EGFL6: variants seen among roughly 807,000 people sequenced by gnomAD.
The protein encoded by EGFL6 is epidermal growth factor-like protein 6.
EGFL6 carries 42 observed loss-of-function variants against 43.1 expected under a neutral mutation model. The observed-to-expected ratio is 0.98, with a 90% CI of 0.76 to 1.26. The LOEUF is 1.26. Ranked by LOEUF, EGFL6 falls within the 50% of genes most tolerant of loss-of-function variation. The probability of loss-of-function intolerance (pLI) is 0.00; values close to 1 mark genes in which losing one functional copy is unlikely to be tolerated. For synonymous variants in EGFL6, 164 were observed against 163.2 expected (o/e 1.01, Z -0.04); for missense variants, 429 against 427.8 (o/e 1.00, Z -0.02).
At chrX:13,607,211 C>A (rs2045665203) in intron 6 of EGFL6, among the ~76,000 whole-genome samples, 1 of 111,019 alleles carries the variant, frequency 9.0e-6, no homozygotes, top group Admixed American at 9.6e-5. Flanking sequence ...TTCCCATTGC[C>A]CTTTATATAA....
At chrX:13,618,466 C>T (rs1249177775) in intron 8 of EGFL6, among the ~76,000 whole-genome samples, 1 of 112,606 alleles carries the variant, frequency 8.9e-6, no homozygotes, top group Non-Finnish European at 1.9e-5. Flanking sequence ...TTTTACAGGC[C>T]TAGTCTATGA....
chrX:13,593,732 G>C (rs1037073323), intron 2 of EGFL6, among the ~76,000 whole-genome samples: 4 of 112,019 alleles, frequency 3.6e-5, no homozygotes, highest in African/African-American at 1.3e-4. Flanking sequence ...AACAGGGATA[G>C]GATGTTGCAA....
chrX:13,588,408 A>G (rs2045544726), intron 1 of EGFL6, among the ~76,000 whole-genome samples: 1 of 112,545 alleles, frequency 8.9e-6, no homozygotes, highest in South Asian at 3.6e-4. Context: ...TAAAGAGCCC[A>G]GGAAACATTT....
intron 2 of EGFL6, among the ~76,000 whole-genome samples, chrX:13,590,728 A>T (rs1019339298): frequency 8.9e-6 from 1 of 112,275 alleles, no homozygotes; most frequent in Non-Finnish European, 1.9e-5. Context: ...TCGTTCCCAC[A>T]TGTTCCATAT....
chrX:13,593,350 G>C (rs1475762046), intron 2 of EGFL6, among the ~76,000 whole-genome samples: 3 of 111,991 alleles, frequency 2.7e-5, no homozygotes, highest in Non-Finnish European at 5.6e-5. Context: ...TGTCGTGTCT[G>C]ACATAAAGTT....
intron 1 of EGFL6, among the ~76,000 whole-genome samples, chrX:13,572,588 T>C (rs1026695178): frequency 8.9e-6 from 1 of 112,122 alleles, no homozygotes; most frequent in Non-Finnish European, 1.9e-5. Context: ...GATAAATATA[T>C]TATTAACTTT....
intron 2 of EGFL6, among the ~76,000 whole-genome samples, chrX:13,591,323 C>G (rs927267647): frequency 9.0e-6 from 1 of 111,626 alleles, no homozygotes; most frequent in South Asian, 3.8e-4. Flanking sequence ...TGCCATAAAA[C>G]TTGTGAGACC....
intron 1 of EGFL6, among the ~76,000 whole-genome samples, chrX:13,579,746 G>C (rs1385771540): frequency 4.5e-5 from 5 of 110,891 alleles, no homozygotes. Context: ...TTTTCACAAG[G>C]TTACAATCAA....
At position 13,627,274 on chromosome X, in the gene EGFL6, A is replaced by G. The variant is rs2045786641; in HGVS notation, c.1549A>G (p.Ser517Gly). 3 of 1,199,571 alleles carry G rather than the reference A, an allele frequency of 2.5e-6. No homozygotes were observed. The East Asian group carries it at 8.9e-5, about 36-fold the overall frequency. ...GTATCAAGGAACTGATGCTACCAAA[A>G]GCGTAAGTGGGAAAAAAATGATTAA... Reference protein sequence around the residue: ...QLYQGTDATKSIIFEAERGKG... With the variant: ...QLYQGTDATKGIIFEAERGKG... The change falls in exon 11 of 12, where the codon AGC becomes GGC. Residue 517 changes from serine (S) to glycine (G), a missense_variant and splice_region_variant. By Grantham distance (56) the Ser-to-Gly change is moderately conservative. Coordinates refer to ENST00000361306, the MANE Select transcript of EGFL6 (RefSeq NM_015507.4).
At position 13,618,524 on chromosome X, in the gene EGFL6, G is replaced by A. The variant is rs371593451; in HGVS notation, c.1102+471G>A. On this transcript the variant is annotated intron_variant, in intron 8 of 11. Transcript: ENST00000361306. ...GGTTGTGATTTTAAAAGCCAAAATC[G>A]ACAAATGTAGGAGGACAAATTTTAT... Among the ~76,000 whole-genome samples the A allele has an allele frequency of 3.7e-4, 42 of 112,675 alleles. No individual in the cohort carries two copies. The East Asian group carries it at 5.0e-3, about 13-fold the overall frequency.
intron 2 of EGFL6, among the ~76,000 whole-genome samples, chrX:13,593,422 C>A (rs1370322857): frequency 9.0e-6 from 1 of 111,612 alleles, no homozygotes; most frequent in Non-Finnish European, 1.9e-5. Flanking sequence ...AGGTATCTTA[C>A]GAGCAATTTG....
At chrX:13,593,355 A>G (rs1188552149) in intron 2 of EGFL6, among the ~76,000 whole-genome samples, 4 of 112,121 alleles carry the variant, frequency 3.6e-5, no homozygotes. Flanking sequence ...TGTCTGACAT[A>G]AAGTTTGCTA....
chrX:13,610,033 C>G (rs1312303208), intron 7 of EGFL6, among the ~76,000 whole-genome samples: 1 of 111,331 alleles, frequency 9.0e-6, no homozygotes, highest in Non-Finnish European at 1.9e-5. Context: ...CTATATGTAC[C>G]ATGCTAGACA....
In EGFL6 at chrX:13,627,161, G is replaced by C. The variant is rs148690469; in HGVS notation, c.1436G>C (p.Arg479Pro). ...GCCGGAGACAAAGTCGGGAAACTTC[G>C]AGTGTTTGTGAAAAACAGTAACAAT... ...RLAGDKVGKL[R>P]VFVKNSNNAL... is the part of the protein sequence containing the mutation. Residue 479 changes from arginine (R) to proline (P), a missense_variant, in exon 11 of 12, where the codon CGA becomes CCA. Arg to Pro is a moderately radical substitution (Grantham distance 103, BLOSUM62 -2). Coordinates refer to ENST00000361306, the MANE Select transcript of EGFL6 (RefSeq NM_015507.4). 2.6e-5 allele frequency: 32 copies of C among 1,210,660 alleles called. No homozygotes were observed. Among genetic ancestry groups the C allele is most frequent in the Admixed American group, 6.5e-5 (3 of 45,824 alleles).
At chrX:13,632,180 G>A (rs2045814651) in intron 11 of EGFL6, among the ~76,000 whole-genome samples, 1 of 106,419 alleles carries the variant, frequency 9.4e-6, no homozygotes, top group Non-Finnish European at 1.9e-5. Flanking sequence ...GGTGGCTCAC[G>A]CCTGTAATCC....
chrX:13,603,118 A>T (rs1223652204), intron 4 of EGFL6, among the ~76,000 whole-genome samples, 199 bp from the exon 5 acceptor site: 1 of 111,785 alleles, frequency 8.9e-6, no homozygotes, highest in Non-Finnish European at 1.9e-5. Context: ...GACCATGAGT[A>T]GGATTCAGTC....
At chrX:13,577,347 C>CACAT (rs2045479707) in intron 1 of EGFL6, among the ~76,000 whole-genome samples, 1 of 56,397 alleles carries the variant, frequency 1.8e-5, no homozygotes, top group Admixed American at 2.0e-4. Flanking sequence ...TATATACATA[C>CACAT]ACACACACAC....
At chrX:13,629,915 T>C (rs1337355578) in intron 11 of EGFL6, among the ~76,000 whole-genome samples, 1 of 112,169 alleles carries the variant, frequency 8.9e-6, no homozygotes, top group Non-Finnish European at 1.9e-5. Flanking sequence ...TGGATACCCA[T>C]ATCTTCTGCA....
intron 1 of EGFL6, among the ~76,000 whole-genome samples, chrX:13,581,504 T>TA (rs2045505895): frequency 8.9e-6 from 1 of 112,477 alleles, no homozygotes; most frequent in Non-Finnish European, 1.9e-5. Flanking sequence ...TTGTTGTCCC[T>TA]ATTTAGAAAA....
Sources: allele counts gnomAD v4.1 joint callset (sites outside exome capture counted in the v4.1 genomes callset), GRCh38; gene constraint gnomAD v4.1.1; transcripts MANE v1.5; gene names NCBI Gene and HGNC (gene_info 2026-07-23, HGNC 2026-07-21).